DIPK1A: variants seen among roughly 807,000 people sequenced by gnomAD.
The protein encoded by DIPK1A is divergent protein kinase domain 1A.
Under a neutral mutation model 40.8 loss-of-function variants are expected in DIPK1A, and 27 were observed. The observed-to-expected ratio is 0.66, with a 90% CI of 0.49 to 0.91. The LOEUF is 0.91. DIPK1A is among the 40% of genes least tolerant of loss of function. The pLI, the probability that DIPK1A is intolerant of heterozygous loss-of-function variation, is 0.00. For missense variants in DIPK1A, 412 were observed against 505.7 expected (o/e 0.81, Z 1.78); for synonymous variants, 166 against 171.3 (o/e 0.97, Z 0.24).
At chr1:92,840,566 A>G, downstream of DIPK1A, 2 of 1,613,048 alleles carry the variant, frequency 1.2e-6, no homozygotes, top group Non-Finnish European at 1.7e-6. Context: ...GGAGATGTAT[A>G]AGAAAGCTCA....
intron 1 of DIPK1A, among the ~76,000 whole-genome samples, chr1:92,901,965 C>A (rs1649431347): frequency 6.6e-6 from 1 of 152,116 alleles, no homozygotes; most frequent in Non-Finnish European, 1.5e-5. Flanking sequence ...CCCTGGGATG[C>A]ACAGCTGCTC....
At chr1:92,944,134 C>T (rs1171647137) in intron 1 of DIPK1A, among the ~76,000 whole-genome samples, 2 of 151,734 alleles carry the variant, frequency 1.3e-5, no homozygotes, top group Non-Finnish European at 2.9e-5. Flanking sequence ...AATCAACAAA[C>T]GATCTGGAAA....
At chr1:92,887,764 G>A (rs1056656540) in intron 1 of DIPK1A, among the ~76,000 whole-genome samples, 10 of 152,104 alleles carry the variant, frequency 6.6e-5, no homozygotes, top group Non-Finnish European at 1.3e-4. Context: ...ATAAGTAGGG[G>A]ACTATTCGTC....
intron 2 of DIPK1A, among the ~76,000 whole-genome samples, chr1:92,870,524 C>A (rs955288260): frequency 1.3e-5 from 2 of 152,222 alleles, no homozygotes; most frequent in African/African-American, 4.8e-5. Flanking sequence ...CTGCGCCCAG[C>A]CTGGATTTTG....
At chr1:92,834,053 C>T (rs1218055160) in intron 4 of DIPK1A, 6 of 281,556 alleles carry the variant, frequency 2.1e-5, no homozygotes, top group Non-Finnish European at 4.1e-5. Flanking sequence ...AGTGAGATCA[C>T]ACCCAGCCCT....
At chr1:92,850,097 A>C (rs1429908901) in intron 3 of DIPK1A, among the ~76,000 whole-genome samples, 2 of 151,920 alleles carry the variant, frequency 1.3e-5, no homozygotes, top group African/African-American at 4.8e-5. Context: ...CAGCCTCCTG[A>C]GTAGCTAGAA....
chr1:92,894,751 C>T (rs528421203), intron 1 of DIPK1A, among the ~76,000 whole-genome samples: 16 of 152,006 alleles, frequency 1.1e-4, no homozygotes, highest in South Asian at 4.2e-4. Context: ...ATAGATAGAC[C>T]GCTAGCTTGA....
At chr1:92,835,185 A>G in intron 4 of DIPK1A, 1 of 513,994 alleles carries the variant, frequency 1.9e-6, no homozygotes. Context: ...TGAATTTGAA[A>G]ATCCACTTGT....
intron 1 of DIPK1A, among the ~76,000 whole-genome samples, chr1:92,934,602 GT>G (rs1316501422): frequency 6.6e-6 from 1 of 152,088 alleles, no homozygotes; most frequent in Non-Finnish European, 1.5e-5. Flanking sequence ...ATACTGGAAG[GT>G]TTCTCACCTT....
At chr1:92,838,038 C>T (rs1305316703), downstream of DIPK1A, among the ~76,000 whole-genome samples, 9 of 152,150 alleles carry the variant, frequency 5.9e-5, no homozygotes, top group South Asian at 2.1e-4. Flanking sequence ...ACTGGGTCTG[C>T]GTGATGTTGT....
intron 1 of DIPK1A, among the ~76,000 whole-genome samples, chr1:92,942,286 A>G (rs996809217): frequency 6.6e-6 from 1 of 152,226 alleles, no homozygotes; most frequent in Non-Finnish European, 1.5e-5. Flanking sequence ...TCCTGGGGGA[A>G]TAAATTATCT....
rs1409227018 is a variant in DIPK1A, at chr1:92,842,703, G to A, written c.*680C>T. On this transcript the variant is annotated 3_prime_UTR_variant, in exon 5 of 5. Coordinates refer to ENST00000370310, the MANE Select transcript of DIPK1A (RefSeq NM_001006605.5). ...TTTTGAAGGGCTCAGTCAGCTGCGT[G>A]ATACTAAGATGGGCCCTTTGAATCT... is the stretch of plus-strand genomic sequence containing the variant. The A allele has an allele frequency of 1.0e-6, 1 of 985,328 alleles. No individual in the cohort carries two copies. Among genetic ancestry groups the A allele is most frequent in the Non-Finnish European group, 1.2e-6 (1 of 829,952 alleles). The allele number at this position is 985,328 out of a possible 1,614,324, so 61.0% of individuals were successfully genotyped here.
rs184893071 is a variant in DIPK1A, at chr1:92,943,825, C to T, written c.54+17551G>A. ...CAGCAGAGGAAAGCCACACCAGTTA[C>T]CTAGTCCTTCTTTCTAAAATATGAA... On this transcript the variant is annotated intron_variant, in intron 1 of 4. Coordinates refer to ENST00000370310, the MANE Select transcript of DIPK1A (RefSeq NM_001006605.5). 2.0e-3 allele frequency among the ~76,000 whole-genome samples: 301 copies of T among 152,270 alleles called. 1 individual carries two copies. The highest frequency in any genetic ancestry group is 7.0e-3 in the African/African-American group (292 of 41,542).
chr1:92,865,284 T>C (rs1036059074), intron 2 of DIPK1A, among the ~76,000 whole-genome samples: 1 of 151,192 alleles, frequency 6.6e-6, no homozygotes, highest in African/African-American at 2.4e-5. Flanking sequence ...GATCCCTGGA[T>C]CCCAGGAATT....
intron 1 of DIPK1A, among the ~76,000 whole-genome samples, chr1:92,944,805 C>T (rs114011425): frequency 0.023 from 3,500 of 152,014 alleles, 117 homozygotes; most frequent in African/African-American, 0.074. Context: ...CACTTGAACC[C>T]AGGAATTTGA....
chr1:92,893,153 G>T (rs757576654), intron 1 of DIPK1A, among the ~76,000 whole-genome samples: 1 of 151,088 alleles, frequency 6.6e-6, no homozygotes, highest in Non-Finnish European at 1.5e-5. Flanking sequence ...TACAGAGAAC[G>T]CCACAAAGAT....
chr1:92,836,347 G>T (rs766756687), intron 4 of DIPK1A: 1 of 1,614,044 alleles, frequency 6.2e-7, no homozygotes, highest in Non-Finnish European at 8.5e-7. Context: ...AAAGTTTTTG[G>T]TGCCCTGAAG....
intron 3 of DIPK1A, among the ~76,000 whole-genome samples, chr1:92,849,521 T>C (rs933751047): frequency 4.6e-5 from 7 of 151,154 alleles, no homozygotes; most frequent in African/African-American, 1.5e-4. Flanking sequence ...CTAATACATA[T>C]ATATTTTTTG....
chr1:92,926,154 C>T (rs1428689637), intron 1 of DIPK1A, among the ~76,000 whole-genome samples: 1 of 152,104 alleles, frequency 6.6e-6, no homozygotes, highest in South Asian at 2.1e-4. Context: ...TTAAATATTA[C>T]ATTTTAACAC....
Sources: allele counts gnomAD v4.1 joint callset (sites outside exome capture counted in the v4.1 genomes callset), GRCh38; gene constraint gnomAD v4.1.1; transcripts MANE v1.5; gene names NCBI Gene and HGNC (gene_info 2026-07-23, HGNC 2026-07-21).